The following LMCD1 variants were observed in gnomAD, a reference collection of about 807,000 sequenced individuals.
LMCD1 encodes LIM and cysteine rich domains 1.
Under a neutral mutation model 42.7 loss-of-function variants are expected in LMCD1, and 32 were observed. The observed-to-expected ratio is 0.75, with a 90% CI of 0.57 to 1.01. LMCD1 has a LOEUF of 1.01. LMCD1 is among the 50% of genes least tolerant of loss of function. LMCD1 has a pLI of 0.00. For synonymous variants in LMCD1, 178 were observed against 184.9 expected, an observed-to-expected ratio of 0.96 and a Z score of 0.30; for missense variants, 458 against 483.1, an observed-to-expected ratio of 0.95 and a Z score of 0.49.
rs1277424660 is a variant in LMCD1 at position 8,568,984 on chromosome 3, C to T, written c.*1386C>T. 1 of 152,178 alleles carries T rather than the reference C, an allele frequency of 6.6e-6. No homozygotes were observed. Among genetic ancestry groups the T allele is most frequent in the Non-Finnish European group, 1.5e-5 (1 of 68,058 alleles). 9.4% of individuals were successfully genotyped at this position (152,178 alleles called of 1,614,324 possible). The stretch of plus-strand genomic sequence containing the variant: ...TCACCAAAGCCATTGCTATATCCTC[C>T]CAAGGCAGTGGTTTTCTGCTCCCAG... On this transcript the variant is annotated 3_prime_UTR_variant, in exon 6 of 6. Transcript: ENST00000157600.
At chr3:8,543,273 G>A (rs1302340130) in intron 3 of LMCD1, among the ~76,000 whole-genome samples, 3 of 152,182 alleles carry the variant, frequency 2.0e-5, no homozygotes, top group Non-Finnish European at 4.4e-5. Context: ...ACTTCTCACT[G>A]TCTCTGATGG....
At chr3:8,507,628 G>A (rs775209378) in intron 1 of LMCD1, among the ~76,000 whole-genome samples, 1 of 152,214 alleles carries the variant, frequency 6.6e-6, no homozygotes, top group South Asian at 2.1e-4. Context: ...AGGGTCCGGA[G>A]ATGATTGACA....
At chr3:8,518,656 G>A (rs374085861) in intron 1 of LMCD1, among the ~76,000 whole-genome samples, 10 of 152,156 alleles carry the variant, frequency 6.6e-5, no homozygotes, top group African/African-American at 2.2e-4. Context: ...AGTCTCATCC[G>A]TCTATCCATG....
chr3:8,501,927 C>T lies in LMCD1; in HGVS notation c.-12C>T. On this transcript the variant is annotated 5_prime_UTR_variant, in exon 1 of 6. Coordinates refer to ENST00000157600, the MANE Select transcript of LMCD1 (RefSeq NM_014583.4). ...TGAGAAGCCAGGCGCTGTTCCCCCA[C>T]CCCAGAAGAGGATGGCAAAGGTGGC... The T allele has an allele frequency of 1.3e-6, 2 of 1,589,428 alleles. No individual in the cohort carries two copies. The highest frequency in any genetic ancestry group is 1.1e-5 in the South Asian group (1 of 88,008).
intron 4 of LMCD1, among the ~76,000 whole-genome samples, chr3:8,558,982 C>T (rs577592025): frequency 6.6e-6 from 1 of 151,898 alleles, no homozygotes; most frequent in Non-Finnish European, 1.5e-5. Context: ...TTTAACCAGC[C>T]CTCTAGGGGA....
intron 4 of LMCD1, among the ~76,000 whole-genome samples, chr3:8,563,670 T>C (rs570341458): frequency 6.6e-6 from 1 of 152,302 alleles, no homozygotes; most frequent in South Asian, 2.1e-4. Flanking sequence ...CTGGAGGAGA[T>C]GGAGCACTCT....
At chr3:8,535,397 T>C (rs1694491734) in intron 2 of LMCD1, among the ~76,000 whole-genome samples, 1 of 152,238 alleles carries the variant, frequency 6.6e-6, no homozygotes, top group Admixed American at 6.5e-5. Context: ...TTTTTGCTAC[T>C]GGAACACATC....
intron 3 of LMCD1, among the ~76,000 whole-genome samples, chr3:8,543,390 A>AGACAGAT (rs1694666473): frequency 3.3e-5 from 3 of 90,838 alleles, no homozygotes; most frequent in African/African-American, 1.2e-4. Context: ...ATAGATAGAT[A>AGACAGAT]GATAGATGAT....
chr3:8,557,437 C>T (rs1173682891), intron 4 of LMCD1, among the ~76,000 whole-genome samples: 1 of 152,202 alleles, frequency 6.6e-6, no homozygotes, highest in East Asian at 1.9e-4. Context: ...ACGAGGCACT[C>T]TGGGTTTAGA....
chr3:8,509,980 A>T (rs1693963557), intron 1 of LMCD1, among the ~76,000 whole-genome samples: 1 of 152,152 alleles, frequency 6.6e-6, no homozygotes, highest in Admixed American at 6.5e-5. Flanking sequence ...TTTGCTCAGC[A>T]TATGTTTTCA....
At position 8,514,211 on chromosome 3, in the gene LMCD1, C is replaced by T. The variant is rs76215094; in HGVS notation, c.42+12231C>T. On this transcript the variant is annotated intron_variant, in intron 1 of 5. Transcript: ENST00000157600. ...CCAATTTTTAAAAAACAGGTGAAGA[C>T]TTGAATAAGCATGTCACAAAAGAAG... Among the ~76,000 whole-genome samples the T allele has an allele frequency of 2.5e-3, 377 of 152,190 alleles. 5 individuals are homozygous for T. The highest frequency in any genetic ancestry group is 8.8e-3 in the African/African-American group (366 of 41,532).
At chr3:8,532,681 A>G (rs1240342030) in intron 1 of LMCD1, 56 bp from the exon 2 acceptor site, 3 of 1,500,478 alleles carry the variant, frequency 2.0e-6, no homozygotes, top group South Asian at 2.3e-5. Context: ...GAGGTCAAGC[A>G]TCTCCGGTCC....
intron 1 of LMCD1, among the ~76,000 whole-genome samples, chr3:8,502,305 A>T (rs1419308737): frequency 1.2e-3 from 26 of 21,724 alleles, no homozygotes; most frequent in East Asian, 9.0e-3. Context: ...ATTATATATA[A>T]TATATAAAAT....
At chr3:8,529,707 A>C (rs947300601) in intron 1 of LMCD1, among the ~76,000 whole-genome samples, 1 of 152,192 alleles carries the variant, frequency 6.6e-6, no homozygotes, top group Non-Finnish European at 1.5e-5. Flanking sequence ...AAAAAAGTAG[A>C]GAATAAGAAA....
In LMCD1 at chr3:8,565,555, G is replaced by A; in HGVS notation, c.847G>A (p.Val283Met). The A allele has an allele frequency of 1.9e-6, 3 of 1,614,186 alleles. No homozygotes were observed. Among genetic ancestry groups the A allele is most frequent in the South Asian group, 1.1e-5 (1 of 91,086 alleles). ...GTGTGCCAAGTGCTCCGAGCCGCTG[G>A]TGGACCTCATCTACTTCTGGAAGGA... ...FVCAKCSEPLVDLIYFWKDGA... is the reference protein window; with the variant it reads ...FVCAKCSEPLMDLIYFWKDGA... Residue 283 changes from valine (V) to methionine (M), a missense_variant, in exon 5 of 6, where the codon GTG becomes ATG. By Grantham distance (21) the Val-to-Met change is conservative (BLOSUM62 1). Transcript: ENST00000157600.
In LMCD1 at chr3:8,548,416, T is replaced by G. The variant is rs562231998; in HGVS notation, c.388-152T>G. ...AAATTACAAAAGTAATCTAACTGCA[T>G]TAAGTTAAGAAAATAAAGACTGTGG... On this transcript the variant is annotated intron_variant, in intron 3 of 5. Coordinates refer to ENST00000157600, the MANE Select transcript of LMCD1 (RefSeq NM_014583.4). The G allele has an allele frequency of 1.5e-4, 75 of 494,872 alleles. No individual in the cohort carries two copies. The Middle Eastern group carries it at 3.0e-3, about 20-fold the overall frequency. The allele number at this position is 494,872 out of a possible 1,614,324, so 30.7% of individuals were successfully genotyped here.
chr3:8,557,149 T>C (rs916194946), intron 4 of LMCD1, among the ~76,000 whole-genome samples: 4 of 152,108 alleles, frequency 2.6e-5, no homozygotes, highest in East Asian at 3.9e-4. Context: ...TTCTGCACCA[T>C]AGGGAGCCTT....
chr3:8,507,790 T>A (rs1272152540), intron 1 of LMCD1, among the ~76,000 whole-genome samples: 1 of 152,228 alleles, frequency 6.6e-6, no homozygotes. Context: ...CAGGCCTCTC[T>A]GACTCCAAAA....
chr3:8,533,364 G>A (rs1304234957), intron 2 of LMCD1, among the ~76,000 whole-genome samples: 1 of 152,086 alleles, frequency 6.6e-6, no homozygotes, highest in Non-Finnish European at 1.5e-5. Context: ...TTTTTCCACT[G>A]AGGATTCTGA....
Sources: allele counts gnomAD v4.1 joint callset (sites outside exome capture counted in the v4.1 genomes callset), GRCh38; gene constraint gnomAD v4.1.1; transcripts MANE v1.5; gene names NCBI Gene and HGNC (gene_info 2026-07-23, HGNC 2026-07-21).